The following SEMA4D variants were observed in gnomAD, a reference collection of about 807,000 sequenced individuals.
SEMA4D encodes semaphorin-4D.
SEMA4D carries 22 observed loss-of-function variants against 74.8 expected under a neutral mutation model. The observed-to-expected ratio is 0.29, with a 90% CI of 0.21 to 0.42. SEMA4D has a LOEUF of 0.42. Ranked by LOEUF, SEMA4D falls within the 10% of genes least tolerant of loss-of-function variation. SEMA4D has a pLI of 1.00. For synonymous variants in SEMA4D, 445 were observed against 463.7 expected, an observed-to-expected ratio of 0.96 and a Z score of 0.52; for missense variants, 937 against 1,118.4, an observed-to-expected ratio of 0.84 and a Z score of 2.31.
chr9:89,438,054 C>G (rs1459219701), intron 2 of SEMA4D, among the ~76,000 whole-genome samples: 1 of 152,220 alleles, frequency 6.6e-6, no homozygotes, highest in East Asian at 1.9e-4. Context: ...AGAGAGGAAC[C>G]AGAGGACACT....
intron 1 of SEMA4D, among the ~76,000 whole-genome samples, chr9:89,486,052 T>C (rs1450758384): frequency 1.3e-5 from 2 of 152,212 alleles, no homozygotes; most frequent in Non-Finnish European, 2.9e-5. Flanking sequence ...ATATCATTTA[T>C]AACAAGGTCA....
At position 89,426,377 on chromosome 9, in the gene SEMA4D, G is replaced by C. The variant is rs149875875; in HGVS notation, c.-243-20678C>G. Among the ~76,000 whole-genome samples, 1,056 of 152,276 alleles carry C rather than the reference G, an allele frequency of 6.9e-3. 8 individuals are homozygous for C. Among genetic ancestry groups the C allele is most frequent in the South Asian group, 0.031 (150 of 4,820 alleles). ...TACAATTACAAAGTTAGACCACCAT[G>C]ACCACAGCTCGTAACCAGAATAGAG... On this transcript the variant is annotated intron_variant, in intron 2 of 15. Coordinates refer to ENST00000422704, the MANE Select transcript of SEMA4D (RefSeq NM_001371194.2).
chr9:89,364,368 C>T (rs1833245334), intron 16 of SEMA4D: 1 of 285,030 alleles, frequency 3.5e-6, no homozygotes, highest in Admixed American at 4.4e-5. Flanking sequence ...ACCAGGGCCA[C>T]AGCATGGAGA....
At chr9:89,489,187 C>G (rs1263231456) in intron 1 of SEMA4D, among the ~76,000 whole-genome samples, 1 of 152,238 alleles carries the variant, frequency 6.6e-6, no homozygotes, top group Non-Finnish European at 1.5e-5. Context: ...AATGATACAA[C>G]TGCTTTGCAA....
chr9:89,392,294 T>A (rs1368990006), intron 8 of SEMA4D, 129 bp downstream of exon 8: 6 of 655,604 alleles, frequency 9.2e-6, no homozygotes, highest in Non-Finnish European at 1.4e-5. Context: ...TTGGGAAGTA[T>A]CCCCCACAAA....
chr9:89,481,586 C>A lies in SEMA4D; in HGVS notation c.-310+16333G>T, dbSNP rs112213478. On this transcript the variant is annotated intron_variant, in intron 1 of 15. Transcript: ENST00000422704. ...CCGAGAGGGCAGCAGACACCCGTGG[C>A]GGATATAAATGTGCCTAAATTGTGG... Among the ~76,000 whole-genome samples, 847 of 152,308 alleles carry A rather than the reference C, an allele frequency of 5.6e-3. 6 individuals carry two copies. The highest frequency in any genetic ancestry group is 0.019 in the African/African-American group (805 of 41,552).
chr9:89,367,193 C>T (rs950512667), intron 16 of SEMA4D: 1 of 152,590 alleles, frequency 6.6e-6, no homozygotes, highest in Non-Finnish European at 1.5e-5. Context: ...GTGAGAGTTA[C>T]CATCAGTGTG....
At chr9:89,491,806 A>C (rs1443511347) in intron 1 of SEMA4D, among the ~76,000 whole-genome samples, 3 of 152,114 alleles carry the variant, frequency 2.0e-5, no homozygotes, top group African/African-American at 7.2e-5. Flanking sequence ...AGCACTCACT[A>C]AGGTGATGAG....
chr9:89,375,895 G>T (rs888731677), downstream of SEMA4D, among the ~76,000 whole-genome samples: 1 of 152,204 alleles, frequency 6.6e-6, no homozygotes, highest in Non-Finnish European at 1.5e-5. Context: ...ACAGGGTCTT[G>T]TTCTGTGATC....
intron 1 of SEMA4D, among the ~76,000 whole-genome samples, chr9:89,467,397 T>G (rs1859005744): frequency 1.3e-5 from 2 of 151,802 alleles, no homozygotes; most frequent in African/African-American, 4.8e-5. Flanking sequence ...GGGCCATCAG[T>G]TACATAAGGA....
chr9:89,428,144 A>G (rs1392120257), intron 2 of SEMA4D, among the ~76,000 whole-genome samples: 1 of 151,892 alleles, frequency 6.6e-6, no homozygotes, highest in African/African-American at 2.4e-5. Flanking sequence ...CCGTCTGACC[A>G]CCGCTGACCT....
intron 1 of SEMA4D, among the ~76,000 whole-genome samples, chr9:89,463,268 TG>T (rs1857793278): frequency 6.6e-6 from 1 of 152,218 alleles, no homozygotes; most frequent in African/African-American, 2.4e-5. Flanking sequence ...TCAGAATCTT[TG>T]AATAGCTGCT....
chr9:89,454,374 G>A (rs1406677140), intron 2 of SEMA4D, among the ~76,000 whole-genome samples: 1 of 152,162 alleles, frequency 6.6e-6, no homozygotes, highest in East Asian at 1.9e-4. Flanking sequence ...TGGTGTGGAC[G>A]TGGCTGAGGC....
At chr9:89,371,445 GGT>G (rs1178331900) in intron 16 of SEMA4D, among the ~76,000 whole-genome samples, 24 of 110,636 alleles carry the variant, frequency 2.2e-4, no homozygotes, top group Non-Finnish European at 4.0e-4. Flanking sequence ...TGTGGGGTGT[GGT>G]GTGTGTCTGG....
intron 16 of SEMA4D, among the ~76,000 whole-genome samples, chr9:89,372,033 T>G: frequency 1.4e-5 from 1 of 72,384 alleles, no homozygotes; most frequent in Non-Finnish European, 2.6e-5. Flanking sequence ...GTGTGGTGTG[T>G]GTTGGGGTGT....
At chr9:89,453,184 C>G (rs1267324719) in intron 2 of SEMA4D, among the ~76,000 whole-genome samples, 1 of 152,218 alleles carries the variant, frequency 6.6e-6, no homozygotes, top group African/African-American at 2.4e-5. Context: ...CAGTGGGGCA[C>G]ACTCAGACCC....
chr9:89,402,015 C>T (rs1842319364), intron 4 of SEMA4D, among the ~76,000 whole-genome samples: 1 of 151,634 alleles, frequency 6.6e-6, no homozygotes, highest in African/African-American at 2.4e-5. Context: ...GGATCTGACA[C>T]CCAGCTGGGG....
chr9:89,384,366 C>T (rs1163744921), intron 13 of SEMA4D, among the ~76,000 whole-genome samples: 1 of 152,184 alleles, frequency 6.6e-6, no homozygotes, highest in Non-Finnish European at 1.5e-5. Context: ...ACCTTGAGGA[C>T]TTTATGTTAA....
intron 2 of SEMA4D, among the ~76,000 whole-genome samples, chr9:89,417,644 G>A (rs945186012): frequency 1.2e-4 from 18 of 152,218 alleles, no homozygotes; most frequent in African/African-American, 3.4e-4. Context: ...CAAATCTGAG[G>A]AGGGTGACCT....
Sources: allele counts gnomAD v4.1 joint callset (sites outside exome capture counted in the v4.1 genomes callset), GRCh38; gene constraint gnomAD v4.1.1; transcripts MANE v1.5; gene names NCBI Gene and HGNC (gene_info 2026-07-23, HGNC 2026-07-21).